Variants in FAM114A1 observed in about 807,000 individuals in gnomAD.
The protein encoded by FAM114A1 is family with sequence similarity 114 member A1, also known as protein NOXP20.
Under a neutral mutation model 64.3 loss-of-function variants are expected in FAM114A1, and 62 were observed. That is an observed-to-expected ratio of 0.96 (90% CI 0.79 to 1.19). The LOEUF (loss-of-function observed/expected upper bound fraction) is 1.19, where lower values mean the gene tolerates loss of function less well. FAM114A1 is among the 50% of genes most tolerant of loss of function. The pLI, the probability that FAM114A1 is intolerant of heterozygous loss-of-function variation, is 0.00. For synonymous variants in FAM114A1, 254 were observed against 251.1 expected, an observed-to-expected ratio of 1.01 and a Z score of -0.11; for missense variants, 645 against 676.3, an observed-to-expected ratio of 0.95 and a Z score of 0.51.
chr4:38,886,203 ACT>A (rs1456748999), intron 3 of FAM114A1, among the ~76,000 whole-genome samples: 1 of 146,288 alleles, frequency 6.8e-6, no homozygotes, highest in African/African-American at 2.5e-5. Context: ...ACAGAGTCTC[ACT>A]CTGCCTCCCA....
At chr4:38,907,855 A>T (rs983704572) in intron 6 of FAM114A1, among the ~76,000 whole-genome samples, 5 of 152,194 alleles carry the variant, frequency 3.3e-5, no homozygotes, top group African/African-American at 1.2e-4. Flanking sequence ...TTGCAAAGAC[A>T]TGTATGCAGT....
intron 4 of FAM114A1, among the ~76,000 whole-genome samples, chr4:38,900,772 A>G (rs1717436688): frequency 6.6e-6 from 1 of 152,120 alleles, no homozygotes; most frequent in Non-Finnish European, 1.5e-5. Context: ...GTAAAAGAGG[A>G]GAGTGGGGAG....
chr4:38,871,725 C>G (rs1345939562), intron 2 of FAM114A1, among the ~76,000 whole-genome samples: 1 of 152,156 alleles, frequency 6.6e-6, no homozygotes, highest in Non-Finnish European at 1.5e-5. Context: ...TCTGCAACTT[C>G]CCTACCAAGA....
rs11555337 is a variant in FAM114A1, at chr4:38,943,764, G to C, written c.*207G>C. 2.4e-6 allele frequency: 1 copy of C among 418,032 alleles called. No homozygotes were observed. The highest frequency in any genetic ancestry group is 4.4e-6 in the Non-Finnish European group (1 of 229,694). The allele number at this position is 418,032 out of a possible 1,614,324, so 25.9% of individuals were successfully genotyped here. On this transcript the variant is annotated 3_prime_UTR_variant, in exon 15 of 15. Transcript: ENST00000358869. ...TATAATTGTTTTTACAAACAATTGT[G>C]TTTTCTTTATGTTAATTTAAACTTA...
intron 4 of FAM114A1, among the ~76,000 whole-genome samples, chr4:38,898,717 C>G (rs1717195479): frequency 6.6e-6 from 1 of 151,994 alleles, no homozygotes; most frequent in Admixed American, 6.6e-5. Flanking sequence ...GGACATCAAC[C>G]ATCATATGGA....
chr4:38,924,495 A>T (rs1719922188), intron 9 of FAM114A1, among the ~76,000 whole-genome samples: 1 of 152,162 alleles, frequency 6.6e-6, no homozygotes, highest in African/African-American at 2.4e-5. Context: ...TCAGGGCGAA[A>T]TTATTCTAGG....
At chr4:38,940,460 G>T (rs1039836214) in intron 13 of FAM114A1, among the ~76,000 whole-genome samples, 1 of 151,636 alleles carries the variant, frequency 6.6e-6, no homozygotes, top group African/African-American at 2.4e-5. Context: ...ATGGAAGGAG[G>T]CCCAAAAAAG....
chr4:38,926,343 C>T (rs1169100367), intron 9 of FAM114A1, among the ~76,000 whole-genome samples: 1 of 152,166 alleles, frequency 6.6e-6, no homozygotes, highest in East Asian at 1.9e-4. Flanking sequence ...GTGCCCAGCC[C>T]CTCTCACTGT....
Position 38,944,242 on chromosome 4 carries a change from T to C in FAM114A1, c.*685T>C, listed in dbSNP as rs2109826795. 1 of 152,122 alleles carries C rather than the reference T, an allele frequency of 6.6e-6. No homozygotes were observed. Among genetic ancestry groups the C allele is most frequent in the East Asian group, 1.9e-4 (1 of 5,158 alleles). The allele number at this position is 152,122 out of a possible 1,614,324, so 9.4% of individuals were successfully genotyped here. On this transcript the variant is annotated 3_prime_UTR_variant, in exon 15 of 15. Coordinates refer to ENST00000358869, the MANE Select transcript of FAM114A1 (RefSeq NM_138389.4). ...TGCCACCACGCCCAGCCAATTTTTT[T>C]TGTATTTTTAGTAGAGACAGGGTTT...
chr4:38,942,617 G>A (rs1721661479), intron 14 of FAM114A1, among the ~76,000 whole-genome samples: 1 of 152,162 alleles, frequency 6.6e-6, no homozygotes, highest in Non-Finnish European at 1.5e-5. Flanking sequence ...ATCCAATACT[G>A]TGTGTTAGTG....
At position 38,890,397 on chromosome 4, in the gene FAM114A1, G is replaced by A. The variant is rs189253772; in HGVS notation, c.349-1346G>A. ...CAGCCTGGTGACAGAGCAAGACTCC[G>A]TCTCAAAAAAAAAAACAAAAAAAAA... is the stretch of plus-strand genomic sequence containing the variant. On this transcript the variant is annotated intron_variant, in intron 3 of 14. Coordinates refer to ENST00000358869, the MANE Select transcript of FAM114A1 (RefSeq NM_138389.4). Among the ~76,000 whole-genome samples, 246 of 125,646 alleles carry A rather than the reference G, an allele frequency of 2.0e-3. 3 individuals carry two copies. Among genetic ancestry groups the A allele is most frequent in the African/African-American group, 7.2e-3 (231 of 32,176 alleles). The allele number at this position is 125,646 out of a possible 152,430, so 82.4% of individuals were successfully genotyped here. A position where few individuals can be genotyped will look rare whatever the true frequency, so the allele number is the denominator to read the frequency against.
chr4:38,904,425 A>G (rs907128868), intron 4 of FAM114A1, among the ~76,000 whole-genome samples: 12 of 152,242 alleles, frequency 7.9e-5, no homozygotes, highest in African/African-American at 2.9e-4. Flanking sequence ...CCCTGTGGGT[A>G]GGAAGGTCAG....
In FAM114A1 at chr4:38,891,645, T is replaced by C. The variant is rs1408109186; in HGVS notation, c.349-98T>C. ...GCCAATTAGATACGGTTGTTGGTGA[T>C]TCTTTTCCAAACCTCCTCTTTGTTT... On this transcript the variant is annotated intron_variant, in intron 3 of 14. Coordinates refer to ENST00000358869, the MANE Select transcript of FAM114A1 (RefSeq NM_138389.4). 9.5e-6 allele frequency: 10 copies of C among 1,050,344 alleles called. No individual in the cohort carries two copies. The Admixed American group carries it at 2.0e-4, about 21-fold the overall frequency. 65.1% of individuals were successfully genotyped at this position (1,050,344 alleles called of 1,614,324 possible).
intron 6 of FAM114A1, among the ~76,000 whole-genome samples, chr4:38,906,725 G>A (rs1216900659): frequency 2.0e-5 from 3 of 152,042 alleles, no homozygotes; most frequent in Admixed American, 6.6e-5. Context: ...AGTAGAGATG[G>A]GGTTTCACCA....
intron 3 of FAM114A1, among the ~76,000 whole-genome samples, chr4:38,883,810 C>T (rs550469301): frequency 6.6e-6 from 1 of 152,282 alleles, no homozygotes; most frequent in East Asian, 1.9e-4. Context: ...TCCCTACTGC[C>T]TACGTTCCTT....
At chr4:38,905,665 T>C in intron 5 of FAM114A1, 30 bp downstream of exon 5, 2 of 1,609,926 alleles carry the variant, frequency 1.2e-6, no homozygotes, top group Non-Finnish European at 1.7e-6. Context: ...TGGGTGTTCT[T>C]GGACTTTATT....
intron 3 of FAM114A1, among the ~76,000 whole-genome samples, chr4:38,879,031 G>A (rs1371605032): frequency 6.6e-6 from 1 of 152,158 alleles, no homozygotes; most frequent in Non-Finnish European, 1.5e-5. Flanking sequence ...TTCAGTGCCT[G>A]CACCTATCTC....
At chr4:38,890,585 C>G (rs1253669747) in intron 3 of FAM114A1, among the ~76,000 whole-genome samples, 1 of 152,024 alleles carries the variant, frequency 6.6e-6, no homozygotes, top group East Asian at 1.9e-4. Flanking sequence ...TAAAAAAGAG[C>G]TATGATTCTC....
chr4:38,908,574 C>A lies in FAM114A1; in HGVS notation c.658-18C>A, dbSNP rs771413685. 1.9e-6 allele frequency: 3 copies of A among 1,589,752 alleles called. No homozygotes were observed. Among genetic ancestry groups the A allele is most frequent in the African/African-American group, 2.7e-5 (2 of 74,642 alleles). On this transcript the variant is annotated intron_variant, in intron 6 of 14. Transcript: ENST00000358869. ...CAAAACCTAAACATCTAATCTCATGCAGTTATCTCATCTGCAGGGTAAAAG... is the reference window on the plus strand; with the variant it reads ...CAAAACCTAAACATCTAATCTCATGAAGTTATCTCATCTGCAGGGTAAAAG...
Sources: allele counts gnomAD v4.1 joint callset (sites outside exome capture counted in the v4.1 genomes callset), GRCh38; gene constraint gnomAD v4.1.1; transcripts MANE v1.5; gene names NCBI Gene and HGNC (gene_info 2026-07-23, HGNC 2026-07-21).